The following UPRT variants were observed in gnomAD, a reference collection of about 807,000 sequenced individuals.
UPRT encodes RP11-311P8.3.
A neutral mutation model predicts 22.6 loss-of-function variants in UPRT; 5 were observed. The observed-to-expected ratio is 0.22, with a 90% CI of 0.12 to 0.47. The LOEUF (loss-of-function observed/expected upper bound fraction) is 0.47, where lower values mean the gene tolerates loss of function less well. Ranked by LOEUF, UPRT falls within the 20% of genes least tolerant of loss-of-function variation. UPRT has a pLI of 0.99. For synonymous variants in UPRT, 77 were observed against 87.7 expected, an observed-to-expected ratio of 0.88 and a Z score of 0.68; for missense variants, 181 against 239.9, an observed-to-expected ratio of 0.75 and a Z score of 1.62.
At chrX:75,283,777 A>T (rs939491543) in intron 1 of UPRT, among the ~76,000 whole-genome samples, 4 of 111,449 alleles carry the variant, frequency 3.6e-5, no homozygotes, top group Admixed American at 9.5e-5. Context: ...TGCCTAGGCT[A>T]TGACCTTTTT....
chrX:75,235,345 T>C (rs1391397791), intron 4 of UPRT, among the ~76,000 whole-genome samples: 1 of 111,656 alleles, frequency 9.0e-6, no homozygotes, highest in Admixed American at 9.5e-5. Context: ...CACAGCCGAA[T>C]TCTACCAGAG....
intron 4 of UPRT, among the ~76,000 whole-genome samples, chrX:75,195,047 A>C (rs888284947): frequency 9.0e-6 from 1 of 110,686 alleles, no homozygotes; most frequent in Middle Eastern, 4.6e-3. Context: ...GTGGTGAAGG[A>C]GGGGGAAAGT....
chrX:75,172,739 T>C (rs990103053), intron 4 of UPRT, among the ~76,000 whole-genome samples: 6 of 110,165 alleles, frequency 5.4e-5, no homozygotes, highest in African/African-American at 2.0e-4. Context: ...GCGGTGAGTG[T>C]AACAGCTCTT....
intron 4 of UPRT, among the ~76,000 whole-genome samples, chrX:75,168,599 G>A (rs1337048322): frequency 9.0e-6 from 1 of 110,790 alleles, no homozygotes; most frequent in Non-Finnish European, 1.9e-5. Flanking sequence ...GCACGATCTC[G>A]GCTCACCGCA....
intron 4 of UPRT, among the ~76,000 whole-genome samples, chrX:75,255,866 A>T (rs1286801173): frequency 1.8e-5 from 2 of 111,951 alleles, no homozygotes; most frequent in African/African-American, 3.2e-5. Flanking sequence ...TTATAAAAAA[A>T]TTACTAATAG....
At chrX:75,223,679 A>C (rs780929740) in intron 4 of UPRT, among the ~76,000 whole-genome samples, 7 of 111,676 alleles carry the variant, frequency 6.3e-5, no homozygotes, top group Non-Finnish European at 1.1e-4. Flanking sequence ...TCCCAAATGC[A>C]CAGATTATCT....
chrX:75,156,764 A>G, intron 1 of UPRT: 1 of 330,596 alleles, frequency 3.0e-6, no homozygotes, highest in Non-Finnish European at 5.9e-6. Context: ...ACAGACGTTA[A>G]TTTCCCCTGG....
At chrX:75,178,453 A>T (rs1438196973) in intron 4 of UPRT, among the ~76,000 whole-genome samples, 2 of 111,757 alleles carry the variant, frequency 1.8e-5, no homozygotes, top group Non-Finnish European at 3.8e-5. Flanking sequence ...GGTCACCAAA[A>T]TGTGTCCGGA....
chrX:75,232,759 G>T (rs1258111768), intron 4 of UPRT, among the ~76,000 whole-genome samples: 2 of 111,786 alleles, frequency 1.8e-5, no homozygotes, highest in African/African-American at 6.5e-5. Context: ...CAAACAGAAA[G>T]GAAATCCACA....
intron 4 of UPRT, among the ~76,000 whole-genome samples, chrX:75,230,238 C>A (rs2082434156): frequency 9.0e-6 from 1 of 111,496 alleles, no homozygotes; most frequent in East Asian, 2.8e-4. Flanking sequence ...TCACCCCCAA[C>A]ACTCAAAGTG....
chrX:75,180,695 G>GTTTTTTTTTTTTTTTTTTTTTTTTTTTTT (rs61040746), intron 4 of UPRT, among the ~76,000 whole-genome samples: 3 of 34,661 alleles, frequency 8.7e-5, no homozygotes, highest in African/African-American at 3.8e-4. Flanking sequence ...TTTTTTTTTT[G>GTTTTTTTTTTTTTTTTTTTTTTTTTTTTT]TTTTTTTTTT....
intron 4 of UPRT, among the ~76,000 whole-genome samples, chrX:75,258,619 C>T (rs1195312252): frequency 8.9e-6 from 1 of 112,102 alleles, no homozygotes; most frequent in African/African-American, 3.2e-5. Flanking sequence ...GGCAGCAACC[C>T]CAGTCAGGGG....
intron 4 of UPRT, among the ~76,000 whole-genome samples, chrX:75,298,498 T>G (rs2082733775): frequency 9.9e-6 from 1 of 101,321 alleles, no homozygotes; most frequent in African/African-American, 3.3e-5. Context: ...TGGGGTTTTT[T>G]CCATTCAGCC....
At chrX:75,161,796 T>C (rs2082200483) in intron 2 of UPRT, among the ~76,000 whole-genome samples, 1 of 111,967 alleles carries the variant, frequency 8.9e-6, no homozygotes, top group African/African-American at 3.2e-5. Context: ...GACACTAAAG[T>C]CTATGCTGCC....
chrX:75,184,004 C>T (rs2082280386), intron 4 of UPRT, among the ~76,000 whole-genome samples: 1 of 112,173 alleles, frequency 8.9e-6, no homozygotes, highest in African/African-American at 3.2e-5. Context: ...GTTTCTTTTG[C>T]TGTGCAGAAG....
At position 75,303,658 on chromosome X, in the gene UPRT, T is replaced by A; in HGVS notation, c.*147T>A. ...AAGTGGGTATATTTGAGGTTATATC[T>A]CATTTAGTTATTTGTTTACTGTTGG... On this transcript the variant is annotated 3_prime_UTR_variant, in exon 7 of 7. Coordinates refer to ENST00000373383, the MANE Select transcript of UPRT (RefSeq NM_145052.4). 1 of 424,497 alleles carries A rather than the reference T, an allele frequency of 2.4e-6. No homozygotes were observed. The highest frequency in any genetic ancestry group is 4.5e-5 in the South Asian group (1 of 22,311). The allele number at this position is 424,497 out of a possible 1,213,427, so 35.0% of individuals were successfully genotyped here.
chrX:75,191,929 C>G (rs1195555188), intron 4 of UPRT, among the ~76,000 whole-genome samples: 1 of 111,497 alleles, frequency 9.0e-6, no homozygotes, highest in Admixed American at 9.4e-5. Context: ...ATGCCTCACC[C>G]TGCTTTGGCT....
At chrX:75,185,461 A>G (rs2082286643) in intron 4 of UPRT, among the ~76,000 whole-genome samples, 1 of 112,001 alleles carries the variant, frequency 8.9e-6, no homozygotes, top group African/African-American at 3.2e-5. Flanking sequence ...ATGTTCATCA[A>G]GGATATTGGT....
chrX:75,222,626 C>T (rs1397152234), intron 4 of UPRT, among the ~76,000 whole-genome samples: 4 of 111,251 alleles, frequency 3.6e-5, no homozygotes, highest in Non-Finnish European at 7.5e-5. Context: ...ACCCCACAGG[C>T]CCATGGGGAA....
Sources: allele counts gnomAD v4.1 joint callset (sites outside exome capture counted in the v4.1 genomes callset), GRCh38; gene constraint gnomAD v4.1.1; transcripts MANE v1.5; gene names NCBI Gene and HGNC (gene_info 2026-07-23, HGNC 2026-07-21).